The following AAAS variants were observed in gnomAD, a reference collection of about 807,000 sequenced individuals.
AAAS encodes the protein aladin WD repeat nucleoporin.
A neutral mutation model predicts 75.6 loss-of-function variants in AAAS; 60 were observed. The observed-to-expected ratio is 0.79, with a 90% CI of 0.64 to 0.98. AAAS has a LOEUF of 0.98. Among genes scored for constraint, AAAS ranks in the 50% least tolerant of loss-of-function variants. The pLI is 0.00. For missense variants in AAAS, 658 were observed against 686.9 expected (o/e 0.96, Z 0.47); for synonymous variants, 271 against 265.0 (o/e 1.02, Z -0.22).
At chr12:53,312,036 A>G (rs931233294) in intron 7 of AAAS, among the ~76,000 whole-genome samples, 1 of 152,158 alleles carries the variant, frequency 6.6e-6, no homozygotes, top group Non-Finnish European at 1.5e-5. Flanking sequence ...AACAAAAAAA[A>G]GGGAGGACAG....
At chr12:53,317,288 T>A (rs995128945) in intron 2 of AAAS, among the ~76,000 whole-genome samples, 2 of 151,736 alleles carry the variant, frequency 1.3e-5, no homozygotes, top group African/African-American at 2.4e-5. Context: ...CCAGGTGCGG[T>A]GGCTCACACC....
chr12:53,314,712 A>G, intron 6 of AAAS, 39 bp downstream of exon 6: 2 of 1,590,138 alleles, frequency 1.3e-6, no homozygotes, highest in South Asian at 1.1e-5. Flanking sequence ...GGAAGGTGAT[A>G]TTGACAAGTC....
Position 53,307,920 on chromosome 12 carries a change from G to A in AAAS, c.1341C>T (p.Ile447=). 6.2e-7 allele frequency: 1 copy of A among 1,614,222 alleles called. No individual in the cohort carries two copies. Among genetic ancestry groups the A allele is most frequent in the South Asian group, 1.1e-5 (1 of 91,078 alleles). ...PVFELLPCGI[I]QGEPGAQPQL... ...GGGGCTGGGCTCCTGGCTCCCCCTGGATAATGCCACTAGAAGAAAAGGTGA... is the reference window on the plus strand; with the variant it reads ...GGGGCTGGGCTCCTGGCTCCCCCTGAATAATGCCACTAGAAGAAAAGGTGA... The change falls in exon 15 of 16, where the codon ATC becomes ATT. Residue 447 remains isoleucine, a synonymous_variant. Transcript: ENST00000209873.
intron 6 of AAAS, 86 bp from the exon 7 acceptor site, chr12:53,314,527 G>T: frequency 1.3e-6 from 2 of 1,579,574 alleles, no homozygotes; most frequent in South Asian, 2.2e-5. Context: ...GAAAGCCACA[G>T]AGAAGAAGGA....
chr12:53,319,201 C>CTTTT (rs113552254), intron 2 of AAAS, among the ~76,000 whole-genome samples: 1 of 145,604 alleles, frequency 6.9e-6, no homozygotes, highest in Admixed American at 6.9e-5. Context: ...TTAAGTAACC[C>CTTTT]TTTTTTTTTT....
chr12:53,308,041 A>G lies in AAAS; in HGVS notation c.1331+11T>C, dbSNP rs781319729. The stretch of plus-strand genomic sequence containing the variant: ...GAGAAGTCCAGACCTAAGGGCCCAC[A>G]TGGCACTTACCAGGGAAGGAGCTCA... On this transcript the variant is annotated intron_variant, in intron 14 of 15. Coordinates refer to ENST00000209873, the MANE Select transcript of AAAS (RefSeq NM_015665.6). The G allele has an allele frequency of 5.0e-6, 8 of 1,613,942 alleles. No individual in the cohort carries two copies. Among genetic ancestry groups the G allele is most frequent in the South Asian group, 1.1e-5 (1 of 91,092 alleles).
intron 4 of AAAS, 77 bp from the exon 5 acceptor site, chr12:53,315,217 G>T (rs746724760): frequency 7.5e-6 from 12 of 1,598,798 alleles, no homozygotes; most frequent in South Asian, 3.3e-5. Context: ...AGGGGAGCTG[G>T]ACCACTCCTA....
At chr12:53,312,198 CA>C (rs1944399847) in intron 7 of AAAS, among the ~76,000 whole-genome samples, 1 of 148,732 alleles carries the variant, frequency 6.7e-6, no homozygotes, top group Admixed American at 6.7e-5. Context: ...GCCTGGGCAA[CA>C]AAAGTGGAAC....
In AAAS at chr12:53,315,764, A is replaced by C. The variant is rs140405180; in HGVS notation, c.270T>G (p.Phe90Leu). 176 of 1,613,744 alleles carry C rather than the reference A, an allele frequency of 1.1e-4. No individual in the cohort carries two copies. The African/African-American group carries it at 2.1e-3, about 19-fold the overall frequency. Residue 90 changes from phenylalanine to leucine, a missense_variant, in exon 3 of 16, where the codon TTT (phenylalanine) becomes TTG (leucine). Coordinates refer to ENST00000209873, the MANE Select transcript of AAAS (RefSeq NM_015665.6). ...CINIWRDVGL[F>L]GVLNEIANSE... ...AGTTTGCAATTTCATTTAGCACCCC[A>C]AAAAGGCCCACATCACGCCTGATAA...
intron 2 of AAAS, among the ~76,000 whole-genome samples, chr12:53,317,778 A>G (rs1475005314): frequency 6.6e-6 from 1 of 152,134 alleles, no homozygotes; most frequent in African/African-American, 2.4e-5. Context: ...GAACCTAGGA[A>G]AAAGGTGAAA....
chr12:53,309,259 G>A lies in AAAS; in HGVS notation c.833C>T (p.Thr278Ile). Residue 278 changes from threonine to isoleucine, a missense_variant, in exon 9 of 16, where the codon ACC becomes ATC. Transcript: ENST00000209873. ...AIRVWDVSTE[T>I]CVPLPWFRGG... ...TCGGAACCAGGGAAGGGGGACACAG[G>A]TCTCTGTTGAGACATCCCATACCTA... The A allele has an allele frequency of 6.2e-7, 1 of 1,614,034 alleles. No homozygotes were observed. Among genetic ancestry groups the A allele is most frequent in the Non-Finnish European group, 8.5e-7 (1 of 1,180,022 alleles).
At chr12:53,316,764 CAAAAAAAAAA>C (rs34520642) in intron 2 of AAAS, among the ~76,000 whole-genome samples, 11 of 77,192 alleles carry the variant, frequency 1.4e-4, no homozygotes, top group Admixed American at 8.3e-4. Context: ...CCATCTCAGA[CAAAAAAAAAA>C]AAAAAAAAAA....
At chr12:53,321,314 T>C in intron 1 of AAAS, 29 bp downstream of exon 1, 2 of 1,606,044 alleles carry the variant, frequency 1.2e-6, no homozygotes. Context: ...CCCATGCCTG[T>C]AGGTCCCCTC....
Position 53,321,377 on chromosome 12 carries a change from C to G in AAAS, c.89G>C (p.Ser30Thr). ...EHNNELVTGSSYESPPPDFRG... is the reference protein window; with the variant it reads ...EHNNELVTGSTYESPPPDFRG... ...GAAGTCGGGGGGCGGGCTCTCATAG[C>G]TACTGCCCGTCACCAGCTCGTTATT... Residue 30 changes from serine (S) to threonine (T), a missense_variant, in exon 1 of 16, where the codon AGC becomes ACC. Physicochemically the swap from Ser to Thr is moderately conservative, Grantham distance 58. Coordinates refer to ENST00000209873, the MANE Select transcript of AAAS (RefSeq NM_015665.6). 6.2e-7 allele frequency: 1 copy of G among 1,614,176 alleles called. No individual in the cohort carries two copies. The highest frequency in any genetic ancestry group is 8.5e-7 in the Non-Finnish European group (1 of 1,180,056).
At position 53,308,732 on chromosome 12, in the gene AAAS, T is replaced by G. The variant is rs762854215; in HGVS notation, c.1080A>C (p.Glu360Asp). 49 of 1,613,984 alleles carry G rather than the reference T, an allele frequency of 3.0e-5. No homozygotes were observed. In the Admixed American group the frequency reaches 8.2e-4, roughly 27 times the overall value. Residue 360 changes from glutamate to aspartate, a missense_variant, in exon 11 of 16, where the codon GAA becomes GAC. Glu to Asp is a conservative substitution (Grantham distance 45). Coordinates refer to ENST00000209873, the MANE Select transcript of AAAS (RefSeq NM_015665.6). Reference sequence around the variant, plus strand: ...AGTGTTGCCCTAACTCACCACAACGTTCTGGAAAAGACAGGGAGTAAATCA... The same window carrying G: ...AGTGTTGCCCTAACTCACCACAACGGTCTGGAAAAGACAGGGAGTAAATCA... ...EPLIYSLSFP[E>D]RCGEGKGCVG...
chr12:53,310,187 G>A (rs566915690), intron 7 of AAAS, among the ~76,000 whole-genome samples: 10 of 152,146 alleles, frequency 6.6e-5, no homozygotes, highest in Non-Finnish European at 1.0e-4. Flanking sequence ...AACACATCCT[G>A]TGCTCCCAAA....
intron 7 of AAAS, among the ~76,000 whole-genome samples, chr12:53,310,158 G>C (rs1374811609): frequency 5.3e-5 from 8 of 152,182 alleles, no homozygotes; most frequent in African/African-American, 1.9e-4. Context: ...TTTCTCTCCA[G>C]TTATCTAACA....
At chr12:53,321,310 C>T (rs1436107696) in intron 1 of AAAS, 33 bp downstream of exon 1, 1 of 1,604,498 alleles carries the variant, frequency 6.2e-7, no homozygotes, top group Non-Finnish European at 8.5e-7. Flanking sequence ...CGCCCCCATG[C>T]CTGTAGGTCC....
At position 53,321,349 on chromosome 12, in the gene AAAS, C is replaced by T. The variant is rs746758055; in HGVS notation, c.117G>A (p.Arg39=). 6 of 1,613,768 alleles carry T rather than the reference C, an allele frequency of 3.7e-6. No individual in the cohort carries two copies. Among genetic ancestry groups the T allele is most frequent in the Non-Finnish European group, 5.1e-6 (6 of 1,179,914 alleles). ...CCCTCCTCGCCCTGGCCACCTGGCC[C>T]CGGAAGTCGGGGGGCGGGCTCTCAT... The part of the protein sequence containing the change: ...SSYESPPPDF[R]GQWINLPVLQ... Residue 39 remains arginine, a synonymous_variant, in exon 1 of 16, where the codon CGG becomes CGA. Coordinates refer to ENST00000209873, the MANE Select transcript of AAAS (RefSeq NM_015665.6).
Sources: gnomAD v4.1 joint callset for allele counts (sites outside exome capture counted in the v4.1 genomes callset) on GRCh38, gnomAD v4.1.1 for gene constraint, MANE v1.5 for transcripts, NCBI Gene and HGNC (gene_info 2026-07-23, HGNC 2026-07-21) for gene names.